ESR1: variants seen among roughly 807,000 people sequenced by gnomAD.
The protein encoded by ESR1 is estrogen receptor 1, also known as estrogen receptor.
In ESR1, 12 loss-of-function variants were observed where a neutral mutation model predicts 52.7. The ratio of observed to expected loss-of-function variants is 0.23; its 90% CI spans 0.15 to 0.37. ESR1 has a LOEUF of 0.37. Ranked by LOEUF, ESR1 falls within the 10% of genes least tolerant of loss-of-function variation. The pLI, the probability that ESR1 is intolerant of heterozygous loss-of-function variation, is 1.00. For missense variants in ESR1, 584 were observed against 779.7 expected, an observed-to-expected ratio of 0.75 and a Z score of 2.99; for synonymous variants, 305 against 316.8, an observed-to-expected ratio of 0.96 and a Z score of 0.39.
At chr6:151,828,837 C>T (rs566507188) in intron 1 of ESR1, among the ~76,000 whole-genome samples, 97 of 152,322 alleles carry the variant, frequency 6.4e-4, no homozygotes, top group African/African-American at 2.3e-3. Flanking sequence ...TGTCTGCAAA[C>T]TGCACTGCAG....
chr6:151,874,396 T>C (rs768854787), intron 2 of ESR1, among the ~76,000 whole-genome samples: 9 of 152,226 alleles, frequency 5.9e-5, no homozygotes, highest in Non-Finnish European at 1.0e-4. Context: ...TGTTGTAGTT[T>C]GTGGAGCACT....
At chr6:151,769,733 A>G (rs1352675103) in intron 2 of ESR1, among the ~76,000 whole-genome samples, 1 of 152,172 alleles carries the variant, frequency 6.6e-6, no homozygotes, top group Non-Finnish European at 1.5e-5. Flanking sequence ...TCCAATTGGG[A>G]GTTGGATATT....
chr6:151,817,032 G>A (rs1004303260), intron 1 of ESR1, among the ~76,000 whole-genome samples: 1 of 152,216 alleles, frequency 6.6e-6, no homozygotes, highest in Non-Finnish European at 1.5e-5. Flanking sequence ...AAGCTATGAT[G>A]TACAGAGGGC....
intron 2 of ESR1, among the ~76,000 whole-genome samples, chr6:151,844,527 A>G (rs1784810991): frequency 6.6e-6 from 1 of 152,196 alleles, no homozygotes; most frequent in Non-Finnish European, 1.5e-5. Context: ...TAGGCTTTAC[A>G]AGGGCCATGC....
chr6:152,083,015 T>G (rs2129012329), intron 6 of ESR1, among the ~76,000 whole-genome samples: 1 of 152,246 alleles, frequency 6.6e-6, no homozygotes, highest in African/African-American at 2.4e-5. Context: ...GAATAATCAA[T>G]ATCACGAAAA....
At position 151,788,699 on chromosome 6, in the gene ESR1, A is replaced by G. The variant is rs545429924; in HGVS notation, c.-70-19144A>G. Among the ~76,000 whole-genome samples, 39 of 152,338 alleles carry G rather than the reference A, an allele frequency of 2.6e-4. 1 individual carries two copies. Among genetic ancestry groups the G allele is most frequent in the Non-Finnish European group, 4.4e-4 (30 of 68,038 alleles). Reference sequence around the variant, plus strand: ...TCACAATAGCAAAGACATGGAATCAATCTAAATGCCCATTGATGGTAGACT... The same window carrying G: ...TCACAATAGCAAAGACATGGAATCAGTCTAAATGCCCATTGATGGTAGACT... On this transcript the variant is annotated intron_variant, in intron 2 of 2. Coordinates refer to the ESR1 transcript ENST00000404742.
At chr6:151,857,781 G>A (rs1021127124) in intron 2 of ESR1, among the ~76,000 whole-genome samples, 1 of 151,936 alleles carries the variant, frequency 6.6e-6, no homozygotes, top group Non-Finnish European at 1.5e-5. Flanking sequence ...TGCCTGCCTC[G>A]GTCTCCCAAA....
intron 2 of ESR1, among the ~76,000 whole-genome samples, chr6:151,848,305 A>G (rs570301278): frequency 1.0e-4 from 11 of 107,466 alleles, no homozygotes; most frequent in African/African-American, 3.3e-4. Context: ...AGGAAGGGGA[A>G]TATCACACTC....
chr6:151,732,431 T>A (rs1473264840), intron 2 of ESR1, among the ~76,000 whole-genome samples: 1 of 152,068 alleles, frequency 6.6e-6, no homozygotes, highest in Non-Finnish European at 1.5e-5. Context: ...CTAATTGAAG[T>A]TATTCTGTTT....
At chr6:151,939,409 G>C (rs1165634430) in intron 3 of ESR1, among the ~76,000 whole-genome samples, 1 of 151,980 alleles carries the variant, frequency 6.6e-6, no homozygotes, top group African/African-American at 2.4e-5. Flanking sequence ...AAAATGTCTT[G>C]GTAGAAAGCA....
chr6:151,783,312 G>A (rs1786724164), intron 2 of ESR1, among the ~76,000 whole-genome samples: 1 of 152,206 alleles, frequency 6.6e-6, no homozygotes, highest in African/African-American at 2.4e-5. Context: ...GGGAGATGTT[G>A]GCTATTTTGC....
upstream of ESR1, among the ~76,000 whole-genome samples, chr6:151,690,153 CT>C (rs1778847014): frequency 6.6e-6 from 1 of 152,154 alleles, no homozygotes; most frequent in Admixed American, 6.5e-5. Context: ...TTCCTTGCCC[CT>C]GCTTTTAGTT....
intron 3 of ESR1, among the ~76,000 whole-genome samples, chr6:151,910,810 TAATATATTAATACACA>T (rs1798148536): frequency 6.6e-6 from 1 of 152,222 alleles, no homozygotes; most frequent in South Asian, 2.1e-4. Context: ...TCGATGTACA[TAATATATTAATACACA>T]AATATATTAA....
At chr6:152,127,845 C>G (rs2054051510) in exon 7 of ESR1, 1 of 152,180 alleles carries the variant, frequency 6.6e-6, no homozygotes, top group Admixed American at 6.5e-5. Context: ...CCCCACTGCC[C>G]TTGCTTAAAT....
intron 4 of ESR1, among the ~76,000 whole-genome samples, chr6:151,988,873 G>A (rs1237695948): frequency 1.3e-5 from 2 of 151,708 alleles, no homozygotes; most frequent in African/African-American, 4.9e-5. Flanking sequence ...CATTAAAGTC[G>A]GGCACATTGG....
chr6:152,085,646 A>G (rs983486902), intron 6 of ESR1, among the ~76,000 whole-genome samples: 2 of 152,176 alleles, frequency 1.3e-5, no homozygotes, highest in Non-Finnish European at 2.9e-5. Context: ...ATCCCAGCAT[A>G]GGACACTAGA....
At chr6:152,114,604 A>C (rs1024502732) in intron 6 of ESR1, among the ~76,000 whole-genome samples, 8 of 152,200 alleles carry the variant, frequency 5.3e-5, no homozygotes, top group African/African-American at 1.7e-4. Flanking sequence ...TTAAAAAGCA[A>C]GTCAAGGCCG....
intron 2 of ESR1, among the ~76,000 whole-genome samples, chr6:151,876,269 C>T (rs756811682): frequency 7.9e-5 from 12 of 151,976 alleles, no homozygotes; most frequent in Non-Finnish European, 1.5e-4. Context: ...AGAAGACAGT[C>T]GTCAGTTCTG....
Position 151,944,524 on chromosome 6 carries a change from G to A in ESR1, c.1096+16G>A, listed in dbSNP as rs9397459. On this transcript the variant is annotated intron_variant, in intron 4 of 7. Coordinates refer to ENST00000206249, the MANE Select transcript of ESR1 (RefSeq NM_000125.4). ...AGGGTGCCAGGTAAGAATGCGAAGC[G>A]CAGCTTTTAAGAGTCAATAGCTTTT... 18,060 of 1,610,848 alleles carry A rather than the reference G, an allele frequency of 0.011. 710 individuals are homozygous for A. The African/African-American group carries it at 0.12, about 11-fold the overall frequency.
Sources: allele counts gnomAD v4.1 joint callset (sites outside exome capture counted in the v4.1 genomes callset), GRCh38; gene constraint gnomAD v4.1.1; transcripts MANE v1.5; gene names NCBI Gene and HGNC (gene_info 2026-07-23, HGNC 2026-07-21).